SLC7A2: variants seen among roughly 807,000 people sequenced by gnomAD.
The protein encoded by SLC7A2 is cationic amino acid transporter 2.
SLC7A2 carries 48 observed loss-of-function variants against 58.9 expected under a neutral mutation model. The observed-to-expected ratio is 0.82, with a 90% CI of 0.65 to 1.04. The LOEUF is 1.04. Among genes scored for constraint, SLC7A2 ranks in the 50% least tolerant of loss-of-function variants. SLC7A2 has a pLI of 0.00. For synonymous variants in SLC7A2, 363 were observed against 314.5 expected, an observed-to-expected ratio of 1.15 and a Z score of -1.63; for missense variants, 1,029 against 818.8, an observed-to-expected ratio of 1.26 and a Z score of -3.13.
intron 2 of SLC7A2, among the ~76,000 whole-genome samples, chr8:17,523,368 C>T (rs1199775379): frequency 6.6e-6 from 1 of 152,016 alleles, no homozygotes; most frequent in Non-Finnish European, 1.5e-5. Context: ...CAAACTATAC[C>T]ATAAGGCCAT....
At chr8:17,541,071 G>A (rs888624463) in intron 2 of SLC7A2, among the ~76,000 whole-genome samples, 1 of 152,128 alleles carries the variant, frequency 6.6e-6, no homozygotes, top group African/African-American at 2.4e-5. Flanking sequence ...AATCGTTAAT[G>A]AACTTCAGTG....
rs770644339 is a variant in SLC7A2 at position 17,560,479 on chromosome 8, C to T, written c.1450C>T (p.Leu484Phe). The change falls in exon 10 of 13, where the codon CTT becomes TTT. Residue 484 changes from leucine (L) to phenylalanine (F), a missense_variant. Leu to Phe is a conservative substitution (Grantham distance 22). Transcript: ENST00000494857. ...CATGCGGACCCTCTTCTGCCCCTCC[C>T]TTCTGCCAACACAGCAGTCAGCTTC... is the stretch of plus-strand genomic sequence containing the variant. ...FSMRTLFCPS[L>F]LPTQQSASLV... 3.7e-6 allele frequency: 6 copies of T among 1,613,884 alleles called. No homozygotes were observed. The East Asian group carries it at 8.9e-5, about 24-fold the overall frequency.
intron 2 of SLC7A2, among the ~76,000 whole-genome samples, chr8:17,519,124 G>T (rs1800915611): frequency 6.6e-6 from 1 of 152,048 alleles, no homozygotes; most frequent in Non-Finnish European, 1.5e-5. Flanking sequence ...GAATTTTGGG[G>T]GAACACAAAT....
intron 2 of SLC7A2, chr8:17,510,647 G>A (rs967973526): frequency 2.0e-5 from 3 of 152,142 alleles, no homozygotes. Context: ...ATAAGTGTCT[G>A]TTCATATCTT....
At chr8:17,554,729 CG>C in intron 8 of SLC7A2, 30 bp downstream of exon 8, 1 of 1,585,062 alleles carries the variant, frequency 6.3e-7, no homozygotes, top group Non-Finnish European at 8.6e-7. Context: ...TCTTCAGAAA[CG>C]GGGGATCTTT....
intron 2 of SLC7A2, among the ~76,000 whole-genome samples, chr8:17,513,467 C>T (rs565757720): frequency 1.3e-5 from 2 of 152,182 alleles, no homozygotes; most frequent in East Asian, 3.9e-4. Context: ...TTAAAACCTG[C>T]CTGGTTTGTT....
At chr8:17,499,330 CCTCT>C (rs1171756294) in intron 1 of SLC7A2, 9 of 147,654 alleles carry the variant, frequency 6.1e-5, no homozygotes, top group Admixed American at 1.4e-4. Context: ...TTTCTCTCTT[CCTCT>C]CTCTCTGTCT....
At chr8:17,543,739 C>T (rs760896782) in intron 3 of SLC7A2, 24 bp downstream of exon 3, 2 of 1,510,854 alleles carry the variant, frequency 1.3e-6, no homozygotes, top group South Asian at 2.7e-5. Flanking sequence ...AGAAATCTAA[C>T]TTGTGTGGAA....
At chr8:17,558,469 C>A in intron 9 of SLC7A2, 72 bp downstream of exon 9, 1 of 920,684 alleles carries the variant, frequency 1.1e-6, no homozygotes, top group East Asian at 2.5e-5. Context: ...TGAGCCCTCA[C>A]TCTCCTGGCT....
intron 7 of SLC7A2, among the ~76,000 whole-genome samples, chr8:17,553,689 G>C (rs1383089202): frequency 1.3e-5 from 2 of 152,134 alleles, no homozygotes; most frequent in African/African-American, 4.8e-5. Context: ...GAGGTGGGAG[G>C]ATCGCTTGAG....
intron 2 of SLC7A2, among the ~76,000 whole-genome samples, chr8:17,542,885 C>T (rs1008321934): frequency 4.6e-5 from 7 of 152,046 alleles, no homozygotes; most frequent in Non-Finnish European, 1.0e-4. Flanking sequence ...TTGTTTGAGC[C>T]CAGGAGGTTG....
chr8:17,546,489 G>T (rs1280185025), intron 4 of SLC7A2, among the ~76,000 whole-genome samples: 1 of 152,130 alleles, frequency 6.6e-6, no homozygotes, highest in Non-Finnish European at 1.5e-5. Flanking sequence ...GATATTCATT[G>T]GTGTCTAATC....
chr8:17,560,358 C>G lies in SLC7A2; in HGVS notation c.1329C>G (p.Pro443=). 1 of 1,614,058 alleles carries G rather than the reference C, an allele frequency of 6.2e-7. No individual in the cohort carries two copies. The highest frequency in any genetic ancestry group is 1.3e-5 in the African/African-American group (1 of 75,008). Residue 443 remains proline (P), a synonymous_variant, in exon 10 of 13, where the codon CCC becomes CCG. Coordinates refer to ENST00000494857, the MANE Select transcript of SLC7A2 (RefSeq NM_001370338.1). ...AGCCTGGCTTATCTTACGACCAGCC[C>G]AAATGTTCTCCTGAGAAAGATGGTC... The part of the protein sequence containing the change: ...RYQPGLSYDQ[P]KCSPEKDGLG...
At chr8:17,564,568 C>T (rs1163874515) in intron 12 of SLC7A2, among the ~76,000 whole-genome samples, 1 of 152,114 alleles carries the variant, frequency 6.6e-6, no homozygotes, top group East Asian at 1.9e-4. Context: ...GGGGATGAAA[C>T]TATTCCACCT....
At chr8:17,504,871 C>T (rs1329841520) in intron 2 of SLC7A2, among the ~76,000 whole-genome samples, 1 of 152,124 alleles carries the variant, frequency 6.6e-6, no homozygotes, top group African/African-American at 2.4e-5. Context: ...TAATGAAAGG[C>T]ATTTGCATGA....
chr8:17,523,304 T>C (rs2720538), intron 2 of SLC7A2, among the ~76,000 whole-genome samples: 73,008 of 151,458 alleles, frequency 0.48, 18,536 homozygotes, highest in Middle Eastern at 0.58. Context: ...CCCACATAGC[T>C]AAAGCAAGAG....
chr8:17,517,365 G>T (rs146172507), intron 2 of SLC7A2, among the ~76,000 whole-genome samples: 1 of 152,206 alleles, frequency 6.6e-6, no homozygotes, highest in Admixed American at 6.5e-5. Context: ...TCAAGAATAT[G>T]AAGAGAATCA....
intron 7 of SLC7A2, among the ~76,000 whole-genome samples, chr8:17,552,391 A>G (rs1170054643): frequency 6.6e-6 from 1 of 152,242 alleles, no homozygotes; most frequent in Non-Finnish European, 1.5e-5. Context: ...ATGTATGTAC[A>G]GACCTTGCAT....
At chr8:17,516,978 C>G (rs1276500496) in intron 2 of SLC7A2, among the ~76,000 whole-genome samples, 3 of 152,164 alleles carry the variant, frequency 2.0e-5, no homozygotes, top group African/African-American at 7.2e-5. Context: ...ACAATCAACA[C>G]TGAAGAGGAC....
Sources: gnomAD v4.1 joint callset for allele counts (sites outside exome capture counted in the v4.1 genomes callset) on GRCh38, gnomAD v4.1.1 for gene constraint, MANE v1.5 for transcripts, NCBI Gene and HGNC (gene_info 2026-07-23, HGNC 2026-07-21) for gene names.